GTSE1: variants seen among roughly 807,000 people sequenced by gnomAD.
The protein encoded by GTSE1 is G2 and S phase-expressed protein 1.
A neutral mutation model predicts 60.5 loss-of-function variants in GTSE1; 52 were observed. The observed-to-expected ratio is 0.86, with a 90% CI of 0.69 to 1.08. The LOEUF is 1.08. Ranked by LOEUF, GTSE1 falls within the 50% of genes least tolerant of loss-of-function variation. The pLI, the probability that GTSE1 is intolerant of heterozygous loss-of-function variation, is 0.00. For missense variants in GTSE1, 937 were observed against 961.8 expected (o/e 0.97, Z 0.34); for synonymous variants, 368 against 386.5 (o/e 0.95, Z 0.56).
rs185133877 is a variant in GTSE1, at chr22:46,319,965, A to T, written c.1433-3225A>T. Among the ~76,000 whole-genome samples, 53 of 151,160 alleles carry T rather than the reference A, an allele frequency of 3.5e-4. No individual in the cohort carries two copies. The highest frequency in any genetic ancestry group is 1.2e-3 in the African/African-American group (47 of 40,848). ...GTGTCACTGCACTCCAGCCTGGGCG[A>T]CAGAACGAGACTGTCTCAAAAAAAA... On this transcript the variant is annotated intron_variant, in intron 7 of 11. Coordinates refer to ENST00000454366, the MANE Select transcript of GTSE1 (RefSeq NM_016426.7). The surrounding 1 kb of genome is among the most constrained non-coding windows in gnomAD (Gnocchi z 5.0).
Position 46,316,105 on chromosome 22 carries a change from AATGGGACCCGCCAT to A in GTSE1, c.1126_1139del (p.Met376AlafsTer24). 6.4e-7 allele frequency: 1 copy of A among 1,573,282 alleles called. No individual in the cohort carries two copies. Among genetic ancestry groups the A allele is most frequent in the Non-Finnish European group, 8.6e-7 (1 of 1,157,282 alleles). ...TGTCAAACATCAGCAAGTCAGGCAG[AATGGGACCCGCCAT>A]GCTGCGGCCAGCTCTGCCTGCAGGC... On this transcript the variant is annotated frameshift_variant, in exon 7 of 12. Transcript: ENST00000454366. LOFTEE classifies it high-confidence loss of function. This position sits in a 1 kb window ranked among gnomAD's most constrained non-coding sequence, Gnocchi z 5.0.
chr22:46,303,192 G>C (rs563711488), intron 2 of GTSE1, among the ~76,000 whole-genome samples: 3 of 152,136 alleles, frequency 2.0e-5, no homozygotes, highest in Admixed American at 2.0e-4. Context: ...GAGCCACCCT[G>C]CCCGGTCTAC....
intron 8 of GTSE1, among the ~76,000 whole-genome samples, chr22:46,323,710 T>C (rs919472007): frequency 1.3e-5 from 2 of 152,058 alleles, no homozygotes; most frequent in Admixed American, 6.5e-5. Flanking sequence ...CTTTTTGAGA[T>C]GGAGTCTTGC....
rs543748015 is a variant in GTSE1, at chr22:46,318,096, T to TA, written c.1432+1684_1432+1685insA. Among the ~76,000 whole-genome samples the TA allele has an allele frequency of 3.9e-5, 6 of 152,310 alleles. No homozygotes were observed. In the East Asian group the frequency reaches 9.6e-4, roughly 24 times the overall value. On this transcript the variant is annotated intron_variant, in intron 7 of 11. Coordinates refer to ENST00000454366, the MANE Select transcript of GTSE1 (RefSeq NM_016426.7). The surrounding 1 kb of genome is among the most constrained non-coding windows in gnomAD (Gnocchi z 4.8). ...GCCTCCTGAGCTCCAGCCACTGCCT[T>TA]CTCCAGTCAGTGAGGCCACTGGCCC...
At chr22:46,311,638 C>G (rs945185395) in intron 4 of GTSE1, among the ~76,000 whole-genome samples, 1 of 152,202 alleles carries the variant, frequency 6.6e-6, no homozygotes, top group Non-Finnish European at 1.5e-5. Context: ...TAAATTAGTT[C>G]CATGAATGCC....
intron 2 of GTSE1, among the ~76,000 whole-genome samples, chr22:46,302,639 G>A (rs956182366): frequency 6.6e-6 from 1 of 152,186 alleles, no homozygotes; most frequent in Non-Finnish European, 1.5e-5. Flanking sequence ...TGGGATTACA[G>A]ATGTGAGCCA....
chr22:46,308,922 C>T lies in GTSE1; in HGVS notation c.741C>T (p.Ser247=), dbSNP rs773577660. Residue 247 remains serine, a synonymous_variant, in exon 4 of 12, where the codon AGC becomes AGT. Transcript: ENST00000454366. ...GAGCGGCCTCTGTTAGAGGAAGAAG[C>T]ATCCCTGGGGCTGCGGAGAAGGTAA... ...LPRAASVRGR[S]IPGAAEKPKK... 1.2e-6 allele frequency: 2 copies of T among 1,611,816 alleles called. No individual in the cohort carries two copies. Among genetic ancestry groups the T allele is most frequent in the Admixed American group, 1.7e-5 (1 of 59,954 alleles).
In GTSE1 at chr22:46,308,130, A is replaced by G. The variant is rs765952326; in HGVS notation, c.80-20A>G. 6.4e-7 allele frequency: 1 copy of G among 1,558,138 alleles called. No individual in the cohort carries two copies. Among genetic ancestry groups the G allele is most frequent in the East Asian group, 2.2e-5 (1 of 44,586 alleles). On this transcript the variant is annotated intron_variant, in intron 2 of 11. Coordinates refer to ENST00000454366, the MANE Select transcript of GTSE1 (RefSeq NM_016426.7). The stretch of plus-strand genomic sequence containing the variant: ...TTATCAGCTGTGGCACTAAAATAAC[A>G]GTGGATTTTTTCCCTCTAGACATTC...
Position 46,319,993 on chromosome 22 carries a change from A to AG in GTSE1, c.1433-3197_1433-3196insG, listed in dbSNP as rs1555892245. On this transcript the variant is annotated intron_variant, in intron 7 of 11. Transcript: ENST00000454366. The surrounding 1 kb of genome is among the most constrained non-coding windows in gnomAD (Gnocchi z 5.0). ...GAACGAGACTGTCTCAAAAAAAAAA[A>AG]AAAGAAAGAAAGAAAGAAAAGAAAT... 3.3e-5 allele frequency among the ~76,000 whole-genome samples: 5 copies of AG among 150,926 alleles called. No homozygotes were observed. Among genetic ancestry groups the AG allele is most frequent in the Non-Finnish European group, 7.4e-5 (5 of 67,936 alleles).
In GTSE1 at chr22:46,313,258, G is replaced by A. The variant is rs77077813; in HGVS notation, c.928-632G>A. ...GCCACATCTTTGCCACTTATTTTCT[G>A]GCATTGGCGGTAAACCAAGCTGTGT... On this transcript the variant is annotated intron_variant, in intron 5 of 11. Transcript: ENST00000454366. This position sits in a 1 kb window ranked among gnomAD's most constrained non-coding sequence, Gnocchi z 4.4. Among the ~76,000 whole-genome samples the A allele has an allele frequency of 0.072, 10,895 of 151,786 alleles. 543 individuals are homozygous for A. The highest frequency in any genetic ancestry group is 0.11 in the Non-Finnish European group (7,331 of 67,924).
At position 46,310,990 on chromosome 22, in the gene GTSE1, G is replaced by A. The variant is rs757788605; in HGVS notation, c.763-1151G>A. On this transcript the variant is annotated intron_variant, in intron 4 of 11. Coordinates refer to ENST00000454366, the MANE Select transcript of GTSE1 (RefSeq NM_016426.7). The surrounding 1 kb of genome is among the most constrained non-coding windows in gnomAD (Gnocchi z 4.4). ...ACTATGACAGGCCAATGACAGAGGC[G>A]TGGTTGAGTGCTTCCCTAGGTGGGG... Among the ~76,000 whole-genome samples, 7 of 152,122 alleles carry A rather than the reference G, an allele frequency of 4.6e-5. No homozygotes were observed. Among genetic ancestry groups the A allele is most frequent in the South Asian group, 2.1e-4 (1 of 4,824 alleles).
intron 2 of GTSE1, among the ~76,000 whole-genome samples, chr22:46,302,294 C>T (rs2077693855): frequency 6.6e-6 from 1 of 151,728 alleles, no homozygotes; most frequent in Admixed American, 6.6e-5. Context: ...TATTCTTTTC[C>T]CCATTTCTTG....
chr22:46,308,116 G>A lies in GTSE1; in HGVS notation c.80-34G>A, dbSNP rs111469153. On this transcript the variant is annotated intron_variant, in intron 2 of 11. Coordinates refer to ENST00000454366, the MANE Select transcript of GTSE1 (RefSeq NM_016426.7). ...TAATATTTTTCTCTTTATCAGCTGT[G>A]GCACTAAAATAACAGTGGATTTTTT... 2,816 of 1,411,892 alleles carry A rather than the reference G, an allele frequency of 2.0e-3. 38 individuals carry two copies. In the African/African-American group the frequency reaches 0.031, roughly 16 times the overall value. The allele number at this position is 1,411,892 out of a possible 1,614,324, so 87.5% of individuals were successfully genotyped here.
At position 46,309,982 on chromosome 22, in the gene GTSE1, C is replaced by T. The variant is rs1416051614; in HGVS notation, c.762+1039C>T. Among the ~76,000 whole-genome samples the T allele has an allele frequency of 2.6e-5, 4 of 152,194 alleles. No homozygotes were observed. Among genetic ancestry groups the T allele is most frequent in the African/African-American group, 7.2e-5 (3 of 41,452 alleles). On this transcript the variant is annotated intron_variant, in intron 4 of 11. Coordinates refer to ENST00000454366, the MANE Select transcript of GTSE1 (RefSeq NM_016426.7). The surrounding 1 kb of genome is among the most constrained non-coding windows in gnomAD (Gnocchi z 6.2). ...GTGATTTGGGCTGCTCCAGACCCAT[C>T]GAAGTATCTCTTTTGATCTCCTGGT... is the stretch of plus-strand genomic sequence containing the variant.
chr22:46,303,121 C>T (rs941686953), intron 2 of GTSE1, among the ~76,000 whole-genome samples: 5 of 151,484 alleles, frequency 3.3e-5, no homozygotes, highest in African/African-American at 1.2e-4. Flanking sequence ...AGGATGGTCT[C>T]GATCTCCTGA....
rs2077760567 is a variant in GTSE1, at chr22:46,313,513, T to G, written c.928-377T>G. On this transcript the variant is annotated intron_variant, in intron 5 of 11. Transcript: ENST00000454366. This position sits in a 1 kb window ranked among gnomAD's most constrained non-coding sequence, Gnocchi z 4.4. ...ATAGTAAAAACACCAACTTTTGTTG[T>G]TGTTGTTGTTGTTGAGACGGAGTCT... Among the ~76,000 whole-genome samples, 1 of 152,236 alleles carries G rather than the reference T, an allele frequency of 6.6e-6. No individual in the cohort carries two copies. The highest frequency in any genetic ancestry group is 2.4e-5 in the African/African-American group (1 of 41,462).
At chr22:46,306,755 T>C (rs774562402) in intron 2 of GTSE1, among the ~76,000 whole-genome samples, 1 of 152,250 alleles carries the variant, frequency 6.6e-6, no homozygotes, top group Non-Finnish European at 1.5e-5. Context: ...CCCAAAGTGC[T>C]GGGATTACAG....
At chr22:46,303,580 G>A (rs937412498) in intron 2 of GTSE1, among the ~76,000 whole-genome samples, 5 of 152,208 alleles carry the variant, frequency 3.3e-5, no homozygotes, top group East Asian at 3.8e-4. Context: ...AATTGTGCTT[G>A]GAGATGTCAT....
intron 7 of GTSE1, among the ~76,000 whole-genome samples, chr22:46,322,022 C>T (rs1601914487): frequency 1.4e-5 from 2 of 141,378 alleles, no homozygotes; most frequent in African/African-American, 5.5e-5. Flanking sequence ...TGCGGTAAGC[C>T]GAGATCATGC....
Sources: allele counts gnomAD v4.1 joint callset (sites outside exome capture counted in the v4.1 genomes callset), GRCh38; gene constraint gnomAD v4.1.1; non-coding constraint Gnocchi (gnomAD v3.1); transcripts MANE v1.5; gene names NCBI Gene and HGNC (gene_info 2026-07-23, HGNC 2026-07-21).